MED13L: variants seen among roughly 807,000 people sequenced by gnomAD.
The protein encoded by MED13L is mediator complex subunit 13L, also known as mediator of RNA polymerase II transcription subunit 13-like.
A neutral mutation model predicts 220.9 loss-of-function variants in MED13L; 7 were observed. That is an observed-to-expected ratio of 0.03 (90% CI 0.02 to 0.06). The LOEUF (loss-of-function observed/expected upper bound fraction) is 0.06, where lower values mean the gene tolerates loss of function less well. Ranked by LOEUF, MED13L falls within the 10% of genes least tolerant of loss-of-function variation. The pLI, the probability that MED13L is intolerant of heterozygous loss-of-function variation, is 1.00. For synonymous variants in MED13L, 1,011 were observed against 1,015.2 expected, an observed-to-expected ratio of 1.00 and a Z score of 0.08; for missense variants, 1,965 against 2,760.5, an observed-to-expected ratio of 0.71 and a Z score of 6.46.
intron 3 of MED13L, among the ~76,000 whole-genome samples, 200 bp downstream of exon 3, chr12:116,111,228 T>C (rs1352061591): frequency 4.6e-5 from 7 of 152,190 alleles, no homozygotes; most frequent in Non-Finnish European, 7.4e-5. Context: ...GCAGGGAATA[T>C]GGGAGTTCTT....
intron 2 of MED13L, among the ~76,000 whole-genome samples, chr12:116,161,525 CTGAG>C (rs1186577519): frequency 2.0e-5 from 3 of 152,198 alleles, no homozygotes; most frequent in Non-Finnish European, 2.9e-5. Flanking sequence ...TAAATATTTA[CTGAG>C]TATTTACTAG....
At chr12:116,195,954 G>C (rs539596280) in intron 2 of MED13L, among the ~76,000 whole-genome samples, 1 of 152,154 alleles carries the variant, frequency 6.6e-6, no homozygotes, top group East Asian at 1.9e-4. Flanking sequence ...AAATTGAAAA[G>C]GAGTTAATAA....
intron 2 of MED13L, among the ~76,000 whole-genome samples, chr12:116,222,031 A>T (rs142190341): frequency 8.2e-4 from 125 of 152,334 alleles, no homozygotes; most frequent in Non-Finnish European, 1.5e-3. Context: ...AAAACAACTC[A>T]AATTTTATAC....
rs1869129621 is a variant in MED13L, at chr12:116,058,184, T to C, written c.480-35583A>G. On this transcript the variant is annotated intron_variant, in intron 4 of 30. Coordinates refer to ENST00000281928, the MANE Select transcript of MED13L (RefSeq NM_015335.5). The stretch of plus-strand genomic sequence containing the variant: ...GCAAACTTACAGTGAAAAGTGACCA[T>C]GATTTACTGTTTAAAAGTTCTAAAT... Among the ~76,000 whole-genome samples the C allele has an allele frequency of 3.9e-5, 6 of 152,282 alleles. No homozygotes were observed. The South Asian group carries it at 1.0e-3, about 26-fold the overall frequency.
intron 2 of MED13L, among the ~76,000 whole-genome samples, chr12:116,211,346 G>A (rs1194528235): frequency 2.0e-5 from 3 of 152,044 alleles, no homozygotes; most frequent in Non-Finnish European, 4.4e-5. Flanking sequence ...CATGTGATAA[G>A]TGGCTACCAT....
chr12:116,108,783 T>C (rs558591838), intron 3 of MED13L, among the ~76,000 whole-genome samples: 2 of 152,310 alleles, frequency 1.3e-5, no homozygotes, highest in Non-Finnish European at 2.9e-5. Context: ...ACTACTTTAA[T>C]GAAATTTGAA....
chr12:116,271,228 T>C (rs1279939841), intron 1 of MED13L, among the ~76,000 whole-genome samples: 1 of 151,924 alleles, frequency 6.6e-6, no homozygotes, highest in East Asian at 1.9e-4. Flanking sequence ...TGTGAGTGTG[T>C]GCGCTAGAAT....
intron 2 of MED13L, among the ~76,000 whole-genome samples, chr12:116,167,173 G>A (rs760659812): frequency 5.9e-5 from 9 of 152,062 alleles, no homozygotes; most frequent in Non-Finnish European, 1.2e-4. Context: ...AGGCAGAAAA[G>A]AAACTCTTCA....
chr12:116,179,340 T>C (rs1259383332), intron 2 of MED13L, among the ~76,000 whole-genome samples: 2 of 152,046 alleles, frequency 1.3e-5, no homozygotes, highest in Admixed American at 1.3e-4. Context: ...CCAGGCACGG[T>C]GGCTCACGTC....
intron 2 of MED13L, among the ~76,000 whole-genome samples, chr12:116,205,795 C>CA (rs1447915188): frequency 6.6e-6 from 1 of 152,010 alleles, no homozygotes; most frequent in African/African-American, 2.4e-5. Flanking sequence ...AAGCAGTTAA[C>CA]ACTTCCCGCT....
intron 4 of MED13L, among the ~76,000 whole-genome samples, chr12:116,075,890 G>A (rs926654043): frequency 3.3e-5 from 5 of 151,690 alleles, no homozygotes; most frequent in African/African-American, 1.2e-4. Context: ...AAAATTAACA[G>A]GAGCCATTGG....
chr12:116,180,757 T>C (rs78930557), intron 2 of MED13L, among the ~76,000 whole-genome samples: 3,052 of 152,268 alleles, frequency 0.02, 58 homozygotes, highest in Middle Eastern at 0.054. Flanking sequence ...AGAATCTTGA[T>C]TAAGTGGTTT....
At chr12:116,159,224 G>A (rs186797594) in intron 2 of MED13L, among the ~76,000 whole-genome samples, 1 of 152,262 alleles carries the variant, frequency 6.6e-6, no homozygotes, top group East Asian at 1.9e-4. Flanking sequence ...GAATACTACA[G>A]GATCAAAGTA....
chr12:116,237,500 T>C lies in MED13L; in HGVS notation c.278A>G (p.Asn93Ser), dbSNP rs758996097. The change falls in exon 2 of 31, where the codon AAC (asparagine) becomes AGC (serine). Residue 93 changes from asparagine to serine, a missense_variant. Asn to Ser is a conservative substitution (Grantham distance 46). Around this residue, in one of 10 missense-constraint regions of MED13L, gnomAD observed 818 missense variants for 1,041.2 expected, o/e 0.79. Coordinates refer to ENST00000281928, the MANE Select transcript of MED13L (RefSeq NM_015335.5). ...TTCATGATGTATTACACCCACTAGG[T>C]TGGGTTCATCTCCCCACCAGAATAT... ...LWIFWWGDEP[N>S]LVGVIHHELQ... The C allele has an allele frequency of 2.2e-5, 35 of 1,613,434 alleles. No individual in the cohort carries two copies. The highest frequency in any genetic ancestry group is 1.7e-4 in the Middle Eastern group (1 of 6,060).
chr12:116,179,557 C>CAGT (rs58271467), intron 2 of MED13L, among the ~76,000 whole-genome samples: 1 of 151,372 alleles, frequency 6.6e-6, no homozygotes, highest in African/African-American at 2.4e-5. Context: ...ATAGGGACTG[C>CAGT]GAGCTATGAT....
chr12:116,108,253 A>C (rs1371459055), intron 3 of MED13L, among the ~76,000 whole-genome samples: 1 of 152,146 alleles, frequency 6.6e-6, no homozygotes, highest in Non-Finnish European at 1.5e-5. Flanking sequence ...CATATTGTAA[A>C]CAGGTTTTTC....
In MED13L at chr12:116,165,259, C is replaced by CTTTTTT. The variant is rs34196219; in HGVS notation, c.311-53753_311-53748dup. Among the ~76,000 whole-genome samples the CTTTTTT allele has an allele frequency of 3.5e-4, 26 of 74,492 alleles. 1 individual carries two copies. Among genetic ancestry groups the CTTTTTT allele is most frequent in the African/African-American group, 1.3e-3 (22 of 16,940 alleles). The allele number at this position is 74,492 out of a possible 152,430, so 48.9% of individuals were successfully genotyped here. ...TTAAGGCAATGAAGTAGGCACCATC[C>CTTTTTT]TTTTTTTTTTTTTTTTTTTTTTTTT... On this transcript the variant is annotated intron_variant, in intron 2 of 30. Transcript: ENST00000281928.
chr12:116,052,106 A>G (rs1015314170), intron 4 of MED13L, among the ~76,000 whole-genome samples: 2 of 148,030 alleles, frequency 1.4e-5, no homozygotes, highest in African/African-American at 4.9e-5. Context: ...CACACACATA[A>G]AACTATATAA....
At chr12:116,246,517 T>C (rs1291047167) in intron 1 of MED13L, among the ~76,000 whole-genome samples, 5 of 151,088 alleles carry the variant, frequency 3.3e-5, no homozygotes, top group African/African-American at 1.2e-4. Context: ...AGTTAAGTTT[T>C]AGAAAAGTAA....
Sources: gnomAD v4.1 joint callset for allele counts (sites outside exome capture counted in the v4.1 genomes callset) on GRCh38, gnomAD v4.1.1 for gene constraint, gnomAD v4.1.1 regional missense constraint, MANE v1.5 for transcripts, NCBI Gene and HGNC (gene_info 2026-07-23, HGNC 2026-07-21) for gene names.